Variants in C4BPA observed in about 807,000 individuals in gnomAD.
C4BPA encodes the protein complement component 4 binding protein alpha, also known as C4b-binding protein alpha chain.
In C4BPA, 31 loss-of-function variants were observed where a neutral mutation model predicts 63.7. That is an observed-to-expected ratio of 0.49 (90% CI 0.37 to 0.66). The LOEUF (loss-of-function observed/expected upper bound fraction) is 0.66. Among genes scored for constraint, C4BPA ranks in the 30% least tolerant of loss-of-function variants. The pLI is 0.00. For missense variants in C4BPA, 572 were observed against 723.3 expected (o/e 0.79, Z 2.40); for synonymous variants, 259 against 254.7 (o/e 1.02, Z -0.16).
intron 9 of C4BPA, among the ~76,000 whole-genome samples, chr1:207,135,452 C>T (rs575474423): frequency 1.3e-5 from 2 of 152,158 alleles, no homozygotes; most frequent in African/African-American, 4.8e-5. Flanking sequence ...CCAAAGTGAT[C>T]AGGCATTAGT....
intron 1 of C4BPA, among the ~76,000 whole-genome samples, chr1:207,108,445 C>T (rs950209140): frequency 3.9e-5 from 6 of 152,176 alleles, no homozygotes; most frequent in Non-Finnish European, 5.9e-5. Flanking sequence ...AGTTTTGTCA[C>T]GTAGATTATC....
intron 9 of C4BPA, among the ~76,000 whole-genome samples, chr1:207,138,574 C>T (rs148522081): frequency 6.6e-6 from 1 of 152,286 alleles, no homozygotes; most frequent in African/African-American, 2.4e-5. Flanking sequence ...CTACTACAAC[C>T]ACCTTCAAAT....
chr1:207,121,094 C>A (rs371261097), intron 4 of C4BPA, among the ~76,000 whole-genome samples: 1 of 152,186 alleles, frequency 6.6e-6, no homozygotes, highest in Non-Finnish European at 1.5e-5. Flanking sequence ...AGGCATGAGC[C>A]ACTGTTCTCA....
chr1:207,124,803 A>G (rs964901563), intron 6 of C4BPA, among the ~76,000 whole-genome samples: 5 of 152,334 alleles, frequency 3.3e-5, no homozygotes, highest in East Asian at 3.9e-4. Flanking sequence ...AGAAAGGCCA[A>G]TTGTGTCCTG....
At chr1:207,128,827 GT>G (rs1462988902) in intron 7 of C4BPA, among the ~76,000 whole-genome samples, 1 of 152,114 alleles carries the variant, frequency 6.6e-6, no homozygotes, top group African/African-American at 2.4e-5. Flanking sequence ...AATATCCAAA[GT>G]TGCTGCAATG....
intron 1 of C4BPA, among the ~76,000 whole-genome samples, chr1:207,106,457 T>TTTTTTTTTTTTTTTTTTG (rs905722793): frequency 3.1e-5 from 4 of 129,568 alleles, no homozygotes; most frequent in African/African-American, 1.3e-4. Flanking sequence ...TTTTTTTTTT[T>TTTTTTTTTTTTTTTTTTG]GAAACGGAGT....
chr1:207,140,978 G>A (rs1026416311), intron 9 of C4BPA, 128 bp from the exon 10 acceptor site: 26 of 646,064 alleles, frequency 4.0e-5, no homozygotes, highest in Non-Finnish European at 5.3e-5. Flanking sequence ...GTTTGGCTAC[G>A]TGCTCTTACA....
chr1:207,131,401 T>C (rs1558094487), intron 7 of C4BPA, 145 bp from the exon 8 acceptor site: 2 of 602,026 alleles, frequency 3.3e-6, no homozygotes, highest in Admixed American at 3.1e-5. Context: ...GTGTGTTTTC[T>C]GGTGTGGTTG....
At chr1:207,142,458 T>G (rs1330821988) in intron 10 of C4BPA, among the ~76,000 whole-genome samples, 1 of 152,162 alleles carries the variant, frequency 6.6e-6, no homozygotes. Context: ...CTGGGTCAAA[T>G]GGTAATTCTA....
At chr1:207,123,891 T>G in intron 4 of C4BPA, 31 bp from the exon 5 acceptor site, 1 of 1,282,566 alleles carries the variant, frequency 7.8e-7, no homozygotes, top group Non-Finnish European at 1.1e-6. Flanking sequence ...TAGGAGGAAT[T>G]CCATTAAAAT....
At chr1:207,118,731 C>A (rs1684865947) in intron 4 of C4BPA, among the ~76,000 whole-genome samples, 1 of 152,154 alleles carries the variant, frequency 6.6e-6, no homozygotes, top group African/African-American at 2.4e-5. Context: ...CAGTTGAATT[C>A]TCTTAGGATT....
intron 9 of C4BPA, among the ~76,000 whole-genome samples, chr1:207,139,388 A>G (rs930257859): frequency 6.6e-6 from 1 of 152,178 alleles, no homozygotes. Flanking sequence ...TTTGAACGGC[A>G]CTAATTTTCA....
intron 2 of C4BPA, 40 bp downstream of exon 2, chr1:207,113,207 TGAA>T: frequency 6.3e-7 from 1 of 1,596,774 alleles, no homozygotes; most frequent in Non-Finnish European, 8.5e-7. Context: ...CAACAAACAA[TGAA>T]GATCATCTGT....
intron 1 of C4BPA, among the ~76,000 whole-genome samples, chr1:207,109,508 G>A (rs559456889): frequency 3.3e-5 from 5 of 152,304 alleles, no homozygotes; most frequent in African/African-American, 4.8e-5. Context: ...GGAACTGAGT[G>A]TTTTGTCCAT....
At chr1:207,110,928 AT>A (rs11296719) in intron 1 of C4BPA, among the ~76,000 whole-genome samples, 30,325 of 152,088 alleles carry the variant, frequency 0.2, 5,333 homozygotes, top group African/African-American at 0.48. Flanking sequence ...AGTCAATTCT[AT>A]TTTGCCACCC....
At chr1:207,109,608 C>A (rs886365841) in intron 1 of C4BPA, among the ~76,000 whole-genome samples, 2 of 152,242 alleles carry the variant, frequency 1.3e-5, no homozygotes, top group Non-Finnish European at 2.9e-5. Flanking sequence ...CTTGGCCACA[C>A]TGTCCTCCTC....
chr1:207,131,814 T>A (rs1685167401), intron 8 of C4BPA, 74 bp downstream of exon 8: 2 of 978,632 alleles, frequency 2.0e-6, no homozygotes, highest in South Asian at 3.4e-5. Context: ...CTTAAATGAA[T>A]ATAATTTTAT....
In C4BPA at chr1:207,137,596, G is replaced by C. The variant is rs797000528; in HGVS notation, c.1273+3004G>C. ...ATAAGGGGTTGTGGAGATATGTTTTGTTTTGTTTTGTTTTGTTTTGTTTTG... is the reference window on the plus strand; with the variant it reads ...ATAAGGGGTTGTGGAGATATGTTTTCTTTTGTTTTGTTTTGTTTTGTTTTG... On this transcript the variant is annotated intron_variant, in intron 9 of 11. Coordinates refer to ENST00000367070, the MANE Select transcript of C4BPA (RefSeq NM_000715.4). Among the ~76,000 whole-genome samples, 20 of 149,576 alleles carry C rather than the reference G, an allele frequency of 1.3e-4. No individual in the cohort carries two copies. In the South Asian group the frequency reaches 2.1e-3, roughly 16 times the overall value.
chr1:207,111,151 T>C (rs1684659549), intron 1 of C4BPA, among the ~76,000 whole-genome samples: 2 of 152,200 alleles, frequency 1.3e-5, no homozygotes, highest in African/African-American at 4.8e-5. Context: ...GGCTCTCAGC[T>C]GTCTCCAGCT....
Sources: gnomAD v4.1 joint callset for allele counts (sites outside exome capture counted in the v4.1 genomes callset) on GRCh38, gnomAD v4.1.1 for gene constraint, MANE v1.5 for transcripts, NCBI Gene and HGNC (gene_info 2026-07-23, HGNC 2026-07-21) for gene names.